The following EVI5L variants were observed in gnomAD, a reference collection of about 807,000 sequenced individuals.
The protein encoded by EVI5L is EVI5-like protein.
A neutral mutation model predicts 106.1 loss-of-function variants in EVI5L; 30 were observed. That is an observed-to-expected ratio of 0.28 (90% confidence interval 0.21 to 0.38). The LOEUF is 0.38. Ranked by LOEUF, EVI5L falls within the 10% of genes least tolerant of loss-of-function variation. The pLI, the probability that EVI5L is intolerant of heterozygous loss-of-function variation, is 1.00. For missense variants in EVI5L, 809 were observed against 1,098.0 expected, an observed-to-expected ratio of 0.74 and a Z score of 3.72; for synonymous variants, 489 against 483.3, an observed-to-expected ratio of 1.01 and a Z score of -0.15.
chr19:7,860,643 T>G lies in EVI5L; in HGVS notation c.1457T>G (p.Leu486Arg). The change falls in exon 14 of 20, where the codon CTG becomes CGG. Residue 486 changes from leucine to arginine, a missense_variant. By Grantham distance (102) the Leu-to-Arg change is moderately radical (BLOSUM62 -2). Coordinates refer to ENST00000538904, the MANE Select transcript of EVI5L (RefSeq NM_001159944.3). ...EQSRLRETET[L>R]GALREMQDKV... ...TCGAGGCTGCGGGAGACGGAGACAC[T>G]GGGGGCCCTTCGGGAGATGCAGGAC... 6.3e-7 allele frequency: 1 copy of G among 1,596,076 alleles called. No individual in the cohort carries two copies. The highest frequency in any genetic ancestry group is 8.5e-7 in the Non-Finnish European group (1 of 1,171,540).
Position 7,849,989 on chromosome 19 carries a change from C to A in EVI5L, c.628-8C>A. ...CCCTGAGCCCCCCCACCTGCCCGTCCCCCCTAGATGCCTGAGGAGGAGGCC... is the reference window on the plus strand; with the variant it reads ...CCCTGAGCCCCCCCACCTGCCCGTCACCCCTAGATGCCTGAGGAGGAGGCC... On this transcript the variant is annotated splice_region_variant and splice_polypyrimidine_tract_variant and intron_variant, in intron 5 of 19. Coordinates refer to ENST00000538904, the MANE Select transcript of EVI5L (RefSeq NM_001159944.3). 2 of 1,586,042 alleles carry A rather than the reference C, an allele frequency of 1.3e-6. No homozygotes were observed. The highest frequency in any genetic ancestry group is 1.7e-6 in the Non-Finnish European group (2 of 1,166,254).
At chr19:7,853,613 T>G in intron 10 of EVI5L, 1 of 511,346 alleles carries the variant, frequency 2.0e-6, no homozygotes, top group Non-Finnish European at 3.6e-6. Flanking sequence ...ACCACTGAAC[T>G]AGAGTGCGGA....
rs537188 is a variant in EVI5L, at chr19:7,856,737, G to A, written c.1201-355G>A. On this transcript the variant is annotated intron_variant, in intron 11 of 19. Coordinates refer to ENST00000538904, the MANE Select transcript of EVI5L (RefSeq NM_001159944.3). The surrounding 1 kb of genome is among the most constrained non-coding windows in gnomAD (Gnocchi z 6.6). Reference sequence around the variant, plus strand: ...TCCTCTCCCACTCTCCAGGAGGTCCGCACGAAGCCAAAAGTCCCCCTGCCC... The same window carrying A: ...TCCTCTCCCACTCTCCAGGAGGTCCACACGAAGCCAAAAGTCCCCCTGCCC... 0.21 allele frequency among the ~76,000 whole-genome samples: 31,322 copies of A among 151,908 alleles called. 3,599 individuals carry two copies. The highest frequency in any genetic ancestry group is 0.3 in the African/African-American group (12,537 of 41,388).
chr19:7,855,984 G>A, intron 10 of EVI5L, 31 bp from the exon 11 acceptor site: 2 of 1,324,034 alleles, frequency 1.5e-6, no homozygotes, highest in Non-Finnish European at 1.9e-6. Flanking sequence ...TGGGGGGCGG[G>A]CTATGACGTG....
At position 7,858,160 on chromosome 19, in the gene EVI5L, T is replaced by C; in HGVS notation, c.1234-31T>C. On this transcript the variant is annotated intron_variant, in intron 12 of 19. Transcript: ENST00000538904. This position sits in a 1 kb window ranked among gnomAD's most constrained non-coding sequence, Gnocchi z 5.7. The stretch of plus-strand genomic sequence containing the variant: ...TGGGTGGGAGCCGAGGGTCACGGCC[T>C]CCCCCTGCCCCCTGTCCTCGCTGTT... The C allele has an allele frequency of 1.3e-6, 2 of 1,543,516 alleles. No homozygotes were observed. The highest frequency in any genetic ancestry group is 8.7e-7 in the Non-Finnish European group (1 of 1,143,098).
Position 7,862,030 on chromosome 19 carries a change from G to A in EVI5L, c.1644+12G>A. On this transcript the variant is annotated intron_variant, in intron 15 of 19. Coordinates refer to ENST00000538904, the MANE Select transcript of EVI5L (RefSeq NM_001159944.3). ...CGGACACCTGGCAGGTGAGGGCCGG[G>A]TGGGCGCCGGCGGGCAGAGCGCCCC... The A allele has an allele frequency of 1.9e-6, 3 of 1,542,430 alleles. No individual in the cohort carries two copies. Among genetic ancestry groups the A allele is most frequent in the Non-Finnish European group, 2.6e-6 (3 of 1,143,766 alleles).
intron 1 of EVI5L, among the ~76,000 whole-genome samples, chr19:7,842,094 G>T (rs1322029399): frequency 6.6e-6 from 1 of 152,164 alleles, no homozygotes; most frequent in Non-Finnish European, 1.5e-5. Context: ...GTGTTGAGAA[G>T]TGTGAAAGAG....
At chr19:7,849,895 C>T (rs759097156) in intron 5 of EVI5L, 102 bp from the exon 6 acceptor site, 80 of 915,828 alleles carry the variant, frequency 8.7e-5, no homozygotes, top group Non-Finnish European at 1.2e-4. Context: ...AGCCAGGTAC[C>T]GACATGGACA....
At position 7,858,493 on chromosome 19, in the gene EVI5L, C is replaced by A; in HGVS notation, c.1374+162C>A. The A allele has an allele frequency of 1.2e-6, 1 of 849,630 alleles. No homozygotes were observed. The highest frequency in any genetic ancestry group is 1.8e-6 in the Non-Finnish European group (1 of 567,536). 52.6% of individuals were successfully genotyped at this position (849,630 alleles called of 1,614,324 possible). A position where few individuals can be genotyped will look rare whatever the true frequency, so the allele number is the denominator to read the frequency against. ...ACCCAGAGACAAGCGCAGATTCTCCCCCAGCAGCTCCACATTCTGAGACAT... is the reference window on the plus strand; with the variant it reads ...ACCCAGAGACAAGCGCAGATTCTCCACCAGCAGCTCCACATTCTGAGACAT... On this transcript the variant is annotated intron_variant, in intron 13 of 19. Transcript: ENST00000538904. The surrounding 1 kb of genome is among the most constrained non-coding windows in gnomAD (Gnocchi z 5.7).
At chr19:7,851,382 C>CG (rs1555693335) in intron 6 of EVI5L, 52 bp from the exon 7 acceptor site, 1 of 1,576,550 alleles carries the variant, frequency 6.3e-7, no homozygotes, top group Admixed American at 1.8e-5. Flanking sequence ...CAGCACCCCC[C>CG]GGTGGGAGGG....
chr19:7,842,258 T>C (rs1274418783), intron 1 of EVI5L, among the ~76,000 whole-genome samples: 5 of 151,700 alleles, frequency 3.3e-5, no homozygotes, highest in Admixed American at 2.0e-4. Context: ...AGTGTGTGCA[T>C]GTGTACATGT....
chr19:7,860,508 G>C, intron 13 of EVI5L, 53 bp from the exon 14 acceptor site: 1 of 1,493,206 alleles, frequency 6.7e-7, no homozygotes, highest in Non-Finnish European at 9.0e-7. Flanking sequence ...CATGGAGGCT[G>C]CCCATCCCCC....
Position 7,853,435 on chromosome 19 carries a change from C to G in EVI5L, c.1146+102C>G, listed in dbSNP as rs1156853095. The G allele has an allele frequency of 2.0e-6, 3 of 1,467,394 alleles. No homozygotes were observed. In the African/African-American group the frequency reaches 4.2e-5, roughly 20 times the overall value. 90.9% of individuals were successfully genotyped at this position (1,467,394 alleles called of 1,614,324 possible). ...CGCTAGGGGGCGGGCCTTCCCAGCG[C>G]ACAGGCGGACCCGGCGGTCCTTGGC... On this transcript the variant is annotated intron_variant, in intron 10 of 19. Transcript: ENST00000538904.
chr19:7,843,349 GGT>G (rs958885460), intron 1 of EVI5L, among the ~76,000 whole-genome samples: 7 of 131,382 alleles, frequency 5.3e-5, no homozygotes, highest in South Asian at 2.7e-4. Context: ...TGTGTGTATA[GGT>G]GTGTGAGTGT....
At chr19:7,833,408 C>G (rs1048965183) in intron 1 of EVI5L, among the ~76,000 whole-genome samples, 1 of 152,254 alleles carries the variant, frequency 6.6e-6, no homozygotes, top group African/African-American at 2.4e-5. Flanking sequence ...CCCCAAAACT[C>G]GGAGGAACCA....
intron 1 of EVI5L, among the ~76,000 whole-genome samples, chr19:7,844,257 G>A (rs1352335299): frequency 8.6e-5 from 13 of 151,364 alleles, no homozygotes; most frequent in African/African-American, 2.9e-4. Flanking sequence ...GCGTGAACCC[G>A]GGAGGTAGAG....
At chr19:7,862,935 G>GA in intron 17 of EVI5L, 37 bp from the exon 18 acceptor site, 2 of 1,335,334 alleles carry the variant, frequency 1.5e-6, no homozygotes, top group Non-Finnish European at 2.0e-6. Flanking sequence ...CGCGCCCCCT[G>GA]ACCCGCCCTC....
Position 7,863,884 on chromosome 19 carries a change from C to T in EVI5L, c.*182C>T. ...AGGGTCCGACCTGGGCTCCTCAGGG[C>T]CCCGGGGCAGGCTCTCTATCCCCAG... On this transcript the variant is annotated 3_prime_UTR_variant, in exon 20 of 20. Coordinates refer to ENST00000538904, the MANE Select transcript of EVI5L (RefSeq NM_001159944.3). The surrounding 1 kb of genome is among the most constrained non-coding windows in gnomAD (Gnocchi z 7.7). 6 of 796,384 alleles carry T rather than the reference C, an allele frequency of 7.5e-6. No homozygotes were observed. The highest frequency in any genetic ancestry group is 1.1e-5 in the Non-Finnish European group (6 of 542,328). 49.3% of individuals were successfully genotyped at this position (796,384 alleles called of 1,614,324 possible).
intron 15 of EVI5L, 27 bp from the exon 16 acceptor site, chr19:7,862,095 C>G (rs1979828872): frequency 1.3e-6 from 2 of 1,551,418 alleles, no homozygotes; most frequent in African/African-American, 1.4e-5. Context: ...GGAGGCTGAC[C>G]GCCGGCTTCT....
Sources: allele counts gnomAD v4.1 joint callset (sites outside exome capture counted in the v4.1 genomes callset), GRCh38; gene constraint gnomAD v4.1.1; non-coding constraint Gnocchi (gnomAD v3.1); transcripts MANE v1.5; gene names NCBI Gene and HGNC (gene_info 2026-07-23, HGNC 2026-07-21).